Variants in ZNF37A observed in about 807,000 individuals in gnomAD.
ZNF37A encodes the protein zinc finger protein 37a (KOX 21).
Under a neutral mutation model 12.3 loss-of-function variants are expected in ZNF37A, and 10 were observed. That is an observed-to-expected ratio of 0.82 (90% CI 0.50 to 1.38). ZNF37A has a LOEUF of 1.38. ZNF37A is among the 40% of genes most tolerant of loss of function. The pLI is 0.00. For synonymous variants in ZNF37A, 207 were observed against 223.0 expected (o/e 0.93, Z 0.64); for missense variants, 580 against 651.2 (o/e 0.89, Z 1.19).
In ZNF37A at chr10:38,113,081, C is replaced by T. The variant is rs181254417; in HGVS notation, c.16-1674C>T. On this transcript the variant is annotated intron_variant, in intron 5 of 7. Transcript: ENST00000685332. Reference sequence around the variant, plus strand: ...TTGGCCTACCAAAGTGCTGGGATTACAGGCATGAGCCACCGCACCTGGCCC... The same window carrying T: ...TTGGCCTACCAAAGTGCTGGGATTATAGGCATGAGCCACCGCACCTGGCCC... Among the ~76,000 whole-genome samples, 600 of 152,114 alleles carry T rather than the reference C, an allele frequency of 3.9e-3. 7 individuals are homozygous for T. The highest frequency in any genetic ancestry group is 0.014 in the African/African-American group (571 of 41,478).
At chr10:38,129,316 A>AAAAAAAAAAAAAAAAAAAAAC (rs1432210552), downstream of ZNF37A, among the ~76,000 whole-genome samples, 6 of 142,540 alleles carry the variant, frequency 4.2e-5, no homozygotes, top group Non-Finnish European at 7.7e-5. Flanking sequence ...AAAAAAAAAA[A>AAAAAAAAAAAAAAAAAAAAAC]AAAAAACTAT....
rs1223033457 is a variant in ZNF37A, at chr10:38,112,143, A to C, written c.16-2612A>C. On this transcript the variant is annotated intron_variant, in intron 5 of 7. Transcript: ENST00000685332. The stretch of plus-strand genomic sequence containing the variant: ...CAAACAACAACCACCAAAAAAAAAA[A>C]AACTAAAAAAAAACCCAACAAAACC... Among the ~76,000 whole-genome samples, 5 of 123,134 alleles carry C rather than the reference A, an allele frequency of 4.1e-5. 1 individual carries two copies. The highest frequency in any genetic ancestry group is 5.2e-4 in the East Asian group (2 of 3,822). The allele number at this position is 123,134 out of a possible 152,430, so 80.8% of individuals were successfully genotyped here. A position where few individuals can be genotyped will look rare whatever the true frequency, so the allele number is the denominator to read the frequency against.
chr10:38,112,447 T>C (rs540218270), intron 5 of ZNF37A, among the ~76,000 whole-genome samples: 1 of 152,212 alleles, frequency 6.6e-6, no homozygotes, highest in Admixed American at 6.5e-5. Context: ...CTCAGGGTCA[T>C]TTCAAGGTCT....
chr10:38,104,102 C>T (rs930263497), intron 5 of ZNF37A, among the ~76,000 whole-genome samples: 3 of 152,312 alleles, frequency 2.0e-5, no homozygotes, highest in Middle Eastern at 3.4e-3. Flanking sequence ...TTATCCCCAC[C>T]CCTGGCCCCA....
intron 5 of ZNF37A, among the ~76,000 whole-genome samples, chr10:38,103,601 G>A (rs541642977): frequency 6.6e-6 from 1 of 151,950 alleles, no homozygotes; most frequent in East Asian, 1.9e-4. Flanking sequence ...TATCTTCTTT[G>A]CATGCCTCAT....
At chr10:38,129,140 A>G (rs1266315660), downstream of ZNF37A, among the ~76,000 whole-genome samples, 1 of 151,718 alleles carries the variant, frequency 6.6e-6, no homozygotes, top group East Asian at 1.9e-4. Flanking sequence ...AGCTTTCTAG[A>G]TAGTGGATTT....
chr10:38,133,861 C>T lies in ZNF37A; in HGVS notation c.239-12871C>T, dbSNP rs2070068278. On this transcript the variant is annotated intron_variant, in intron 7 of 7. Transcript: ENST00000638053. ...GGGATGGTTGGGTCAAATGGTATTT[C>T]TAGTTCCAGATCCTTGAGGAATTGC... 4.6e-5 allele frequency among the ~76,000 whole-genome samples: 7 copies of T among 152,174 alleles called. No individual in the cohort carries two copies. The South Asian group carries it at 1.5e-3, about 32-fold the overall frequency.
chr10:38,149,124 C>T (rs1005626909), exon 8 of ZNF37A: 1 of 152,126 alleles, frequency 6.6e-6, no homozygotes, highest in African/African-American at 2.4e-5. Context: ...AGATGTGAGC[C>T]ACCACACCAA....
At chr10:38,126,033 T>C (rs2069920485), downstream of ZNF37A, among the ~76,000 whole-genome samples, 1 of 151,922 alleles carries the variant, frequency 6.6e-6, no homozygotes, top group South Asian at 2.1e-4. Flanking sequence ...CATATGAGGG[T>C]TCCATCCCCA....
downstream of ZNF37A, chr10:38,124,633 G>A (rs879194965): frequency 5.3e-5 from 8 of 152,042 alleles, no homozygotes; most frequent in African/African-American, 1.9e-4. Context: ...GAAGACCATT[G>A]TTAATATCAG....
chr10:38,094,707 CA>C (rs2067004505), intron 1 of ZNF37A, among the ~76,000 whole-genome samples: 2 of 152,372 alleles, frequency 1.3e-5, no homozygotes, highest in Admixed American at 1.3e-4. Flanking sequence ...CAGGACGGCG[CA>C]GAAACGGGCC....
rs779014327 is a variant in ZNF37A at position 38,117,553 on chromosome 10, T to C, written c.402T>C (p.Ile134=). The C allele has an allele frequency of 1.9e-6, 3 of 1,613,416 alleles. No individual in the cohort carries two copies. The African/African-American group carries it at 4.0e-5, about 22-fold the overall frequency. The change falls in exon 8 of 8, where the codon ATT becomes ATC. Residue 134 remains isoleucine, a synonymous_variant. Transcript: ENST00000685332. ...GNSFWLNEDL[I]WHQKIKNWEQ... is the part of the protein sequence containing the mutation. ...GCTTCTGGCTGAATGAAGACCTCATTTGGCATCAGAAAATTAAAAATTGGG... is the reference window on the plus strand; with the variant it reads ...GCTTCTGGCTGAATGAAGACCTCATCTGGCATCAGAAAATTAAAAATTGGG...
At chr10:38,147,801 T>C (rs1470109647) in exon 8 of ZNF37A, 2 of 152,234 alleles carry the variant, frequency 1.3e-5, no homozygotes, top group African/African-American at 4.8e-5. Context: ...AGGAAACTGA[T>C]GCCACAGGAA....
chr10:38,147,058 C>T, exon 8 of ZNF37A: 1 of 274,634 alleles, frequency 3.6e-6, no homozygotes, highest in Non-Finnish European at 6.8e-6. Flanking sequence ...GCAGCAAAAA[C>T]ATGTTGTTAA....
chr10:38,129,684 G>T (rs1370219856), downstream of ZNF37A, among the ~76,000 whole-genome samples: 1 of 152,174 alleles, frequency 6.6e-6, no homozygotes, highest in African/African-American at 2.4e-5. Context: ...ACTGCCATTA[G>T]AGATTTCATG....
In ZNF37A at chr10:38,118,065, G is replaced by A. The variant is rs1225583327; in HGVS notation, c.914G>A (p.Gly305Glu). ...GGKPYECHEC[G>E]KTFYKNSDLI... is the part of the protein sequence containing the mutation. ...AAACCCTATGAATGTCATGAATGTG[G>A]GAAGACCTTCTATAAGAATTCAGAC... The change falls in exon 8 of 8, where the codon GGG (glycine) becomes GAG (glutamate). Residue 305 changes from glycine (G) to glutamate (E), a missense_variant. Transcript: ENST00000685332. The A allele has an allele frequency of 6.2e-7, 1 of 1,613,828 alleles. No homozygotes were observed. The highest frequency in any genetic ancestry group is 1.3e-5 in the African/African-American group (1 of 74,880).
intron 5 of ZNF37A, among the ~76,000 whole-genome samples, chr10:38,097,607 A>AAAAAAAAAAAAAAAT (rs2067255361): frequency 7.3e-6 from 1 of 137,474 alleles, no homozygotes. Flanking sequence ...AAAAAAAAAA[A>AAAAAAAAAAAAAAAT]AAAAAAATCA....
intron 7 of ZNF37A, among the ~76,000 whole-genome samples, chr10:38,131,597 G>T (rs1181861281): frequency 6.6e-6 from 1 of 152,122 alleles, no homozygotes. Context: ...AAGTCAGGAA[G>T]TAGGAGTACC....
chr10:38,118,433 A>C lies in ZNF37A; in HGVS notation c.1282A>C (p.Lys428Gln), dbSNP rs766762824. The C allele has an allele frequency of 1.2e-6, 2 of 1,614,006 alleles. No individual in the cohort carries two copies. The highest frequency in any genetic ancestry group is 1.7e-6 in the Non-Finnish European group (2 of 1,179,974). Reference sequence around the variant, plus strand: ...ATTCTCTGAGAAGTCAACCCTTACTAAACATCTAAGAACTCACACAGGTGA... The same window carrying C: ...ATTCTCTGAGAAGTCAACCCTTACTCAACATCTAAGAACTCACACAGGTGA... ...KSFSEKSTLTKHLRTHTGEKP... is the reference protein window; with the variant it reads ...KSFSEKSTLTQHLRTHTGEKP... The change falls in exon 8 of 8, where the codon AAA (lysine) becomes CAA (glutamine). Residue 428 changes from lysine (K) to glutamine (Q), a missense_variant. Physicochemically the swap from Lys to Gln is moderately conservative, Grantham distance 53. Coordinates refer to ENST00000685332, the MANE Select transcript of ZNF37A (RefSeq NM_001324250.3).
Sources: allele counts gnomAD v4.1 joint callset (sites outside exome capture counted in the v4.1 genomes callset), GRCh38; gene constraint gnomAD v4.1.1; transcripts MANE v1.5; gene names NCBI Gene and HGNC (gene_info 2026-07-23, HGNC 2026-07-21).